SLC12A3: variants seen among roughly 807,000 people sequenced by gnomAD.
The protein encoded by SLC12A3 is solute carrier family 12 member 3.
In SLC12A3, 104 loss-of-function variants were observed where a neutral mutation model predicts 121.0. The ratio of observed to expected loss-of-function variants is 0.86; its 90% CI spans 0.73 to 1.01. The LOEUF (loss-of-function observed/expected upper bound fraction) is 1.01, where lower values mean the gene tolerates loss of function less well. Among genes scored for constraint, SLC12A3 ranks in the 50% least tolerant of loss-of-function variants. The pLI, the probability that SLC12A3 is intolerant of heterozygous loss-of-function variation, is 0.00. For synonymous variants in SLC12A3, 536 were observed against 533.4 expected, an observed-to-expected ratio of 1.00 and a Z score of -0.07; for missense variants, 1,328 against 1,356.3, an observed-to-expected ratio of 0.98 and a Z score of 0.33.
chr16:56,887,466 C>G lies in SLC12A3; in HGVS notation c.2178+373C>G, dbSNP rs948559740. Among the ~76,000 whole-genome samples, 6 of 151,886 alleles carry G rather than the reference C, an allele frequency of 4.0e-5. 1 individual carries two copies. Among genetic ancestry groups the G allele is most frequent in the Non-Finnish European group, 7.4e-5 (5 of 67,980 alleles). On this transcript the variant is annotated intron_variant, in intron 17 of 25. Coordinates refer to ENST00000563236, the MANE Select transcript of SLC12A3 (RefSeq NM_001126108.2). The stretch of plus-strand genomic sequence containing the variant: ...AGGTGATCCACCTATCTCAGCCCCC[C>G]AGAGTGCTCGGTTTACAGGCATGAG...
chr16:56,879,411 C>T, intron 10 of SLC12A3, 131 bp from the exon 11 acceptor site: 1 of 1,057,610 alleles, frequency 9.5e-7, no homozygotes, highest in Non-Finnish European at 1.4e-6. Context: ...CTGGGATCTC[C>T]AGGGGTGGGT....
Position 56,868,382 on chromosome 16 carries a change from C to T in SLC12A3, c.505+10C>T, listed in dbSNP as rs1430942887. 11 of 1,609,304 alleles carry T rather than the reference C, an allele frequency of 6.8e-6. No individual in the cohort carries two copies. Among genetic ancestry groups the T allele is most frequent in the Non-Finnish European group, 9.3e-6 (11 of 1,177,656 alleles). ...GCCCAGGCAGGCATCGGTGAGTGCC[C>T]CTCTGGGGAAGAGGAGGGAGGGCTT... On this transcript the variant is annotated intron_variant, in intron 3 of 25. Transcript: ENST00000563236.
chr16:56,905,037 GC>G (rs2055587939), intron 25 of SLC12A3, among the ~76,000 whole-genome samples: 1 of 152,100 alleles, frequency 6.6e-6, no homozygotes, highest in South Asian at 2.1e-4. Context: ...TCTCTCTGAG[GC>G]CTGTAAGAAG....
chr16:56,889,540 G>A (rs756799332), intron 18 of SLC12A3, among the ~76,000 whole-genome samples: 6 of 152,090 alleles, frequency 3.9e-5, no homozygotes, highest in Admixed American at 6.6e-5. Context: ...GCAATGGTGC[G>A]ATCTTGGCTC....
rs758669928 is a variant in SLC12A3, at chr16:56,865,252, C to T, written c.17C>T (p.Thr6Ile). Residue 6 changes from threonine to isoleucine, a missense_variant, in exon 1 of 26, where the codon ACA (threonine) becomes ATA (isoleucine). By Grantham distance (89) the Thr-to-Ile change is moderately conservative (BLOSUM62 -1). Transcript: ENST00000563236. ...CAGGCGACAATGGCAGAACTGCCCA[C>T]AACAGAGACGCCTGGGGACGCCACT... MAELP[T>I]TETPGDATLC... 1.2e-6 allele frequency: 2 copies of T among 1,613,632 alleles called. No homozygotes were observed. Among genetic ancestry groups the T allele is most frequent in the African/African-American group, 1.3e-5 (1 of 74,936 alleles).
intron 25 of SLC12A3, among the ~76,000 whole-genome samples, chr16:56,908,905 T>G (rs1412460454): frequency 1.3e-5 from 2 of 152,230 alleles, no homozygotes; most frequent in African/African-American, 2.4e-5. Flanking sequence ...CTGGTGGGTG[T>G]GCATGGGTGT....
intron 19 of SLC12A3, among the ~76,000 whole-genome samples, chr16:56,891,371 CAAAAAAAAAA>C (rs35706137): frequency 1.4e-5 from 1 of 73,888 alleles, no homozygotes; most frequent in Non-Finnish European, 2.5e-5. Context: ...GACCCTGTCT[CAAAAAAAAAA>C]AAAAAAAAAA....
At chr16:56,897,352 C>T (rs1203853540) in intron 22 of SLC12A3, among the ~76,000 whole-genome samples, 2 of 152,130 alleles carry the variant, frequency 1.3e-5, no homozygotes, top group Admixed American at 1.3e-4. Context: ...GTCTCTAGTG[C>T]CCTTTGCAAC....
At chr16:56,893,969 TATTTTA>T (rs1348309019) in intron 21 of SLC12A3, among the ~76,000 whole-genome samples, 18 of 95,926 alleles carry the variant, frequency 1.9e-4, no homozygotes, top group South Asian at 1.1e-3. Flanking sequence ...TTTTTATTTT[TATTTTA>T]TTTATTTATT....
chr16:56,880,016 C>T, intron 11 of SLC12A3, 114 bp from the exon 12 acceptor site: 5 of 1,325,458 alleles, frequency 3.8e-6, no homozygotes, highest in Non-Finnish European at 5.3e-6. Flanking sequence ...ACACCAGGAC[C>T]CAGGTTGGGG....
intron 16 of SLC12A3, 82 bp from the exon 17 acceptor site, chr16:56,886,871 G>A (rs1306671599): frequency 1.9e-6 from 3 of 1,586,274 alleles, no homozygotes; most frequent in Non-Finnish European, 2.6e-6. Flanking sequence ...CCCTGGGGCA[G>A]CCTCCAGGGC....
chr16:56,889,664 G>C (rs1456448013), intron 18 of SLC12A3, among the ~76,000 whole-genome samples: 1 of 152,166 alleles, frequency 6.6e-6, no homozygotes, highest in Non-Finnish European at 1.5e-5. Flanking sequence ...TAGTAGAAAT[G>C]GGGTTTTGCC....
chr16:56,872,407 G>A lies in SLC12A3; in HGVS notation c.909G>A (p.Gly303=). Residue 303 remains glycine (G), a synonymous_variant, in exon 7 of 26, where the codon GGG becomes GGA. Coordinates refer to ENST00000563236, the MANE Select transcript of SLC12A3 (RefSeq NM_001126108.2). ...IMVSFANYLV[G]TLIPPSEDKA... ...TCTCCTTTGCCAACTATTTAGTGGGGACGCTGATCCCCCCATCTGAGGACA... is the reference window on the plus strand; with the variant it reads ...TCTCCTTTGCCAACTATTTAGTGGGAACGCTGATCCCCCCATCTGAGGACA... 6.2e-7 allele frequency: 1 copy of A among 1,614,124 alleles called. No individual in the cohort carries two copies. Among genetic ancestry groups the A allele is most frequent in the African/African-American group, 1.3e-5 (1 of 75,052 alleles).
Position 56,872,473 on chromosome 16 carries a change from A to T in SLC12A3, c.964+11A>T. 1 of 1,609,068 alleles carries T rather than the reference A, an allele frequency of 6.2e-7. No individual in the cohort carries two copies. Among genetic ancestry groups the T allele is most frequent in the South Asian group, 1.1e-5 (1 of 90,944 alleles). On this transcript the variant is annotated intron_variant, in intron 7 of 25. Coordinates refer to ENST00000563236, the MANE Select transcript of SLC12A3 (RefSeq NM_001126108.2). ...TCTTCAGCTACCGGGGTATGTGCTG[A>T]TCAAGGCCCTGACCATGGCTCTGGG...
intron 8 of SLC12A3, among the ~76,000 whole-genome samples, chr16:56,877,528 A>G (rs761033124): frequency 6.6e-6 from 1 of 152,248 alleles, no homozygotes; most frequent in Non-Finnish European, 1.5e-5. Flanking sequence ...AGACAAATCA[A>G]TTGGTGCATA....
intron 21 of SLC12A3, among the ~76,000 whole-genome samples, chr16:56,893,834 G>C (rs1054522020): frequency 1.3e-5 from 2 of 152,042 alleles, no homozygotes; most frequent in African/African-American, 2.4e-5. Context: ...CTGAAGTGCA[G>C]TGGCATGATG....
At chr16:56,885,175 G>A in intron 14 of SLC12A3, 90 bp from the exon 15 acceptor site, 1 of 873,578 alleles carries the variant, frequency 1.1e-6, no homozygotes, top group South Asian at 1.4e-5. Flanking sequence ...CCTAGAGAAG[G>A]CCGACATTAC....
intron 18 of SLC12A3, among the ~76,000 whole-genome samples, chr16:56,888,720 G>A (rs1010254711): frequency 7.9e-5 from 12 of 151,184 alleles, no homozygotes; most frequent in African/African-American, 9.7e-5. Flanking sequence ...CACCACGCCC[G>A]GCTAATTTTT....
intron 22 of SLC12A3, among the ~76,000 whole-genome samples, chr16:56,897,065 C>G (rs1427990286): frequency 6.6e-6 from 1 of 150,506 alleles, no homozygotes; most frequent in Non-Finnish European, 1.5e-5. Flanking sequence ...GTACTCCAGC[C>G]TGGGCAACTG....
Sources: gnomAD v4.1 joint callset for allele counts (sites outside exome capture counted in the v4.1 genomes callset) on GRCh38, gnomAD v4.1.1 for gene constraint, MANE v1.5 for transcripts, NCBI Gene and HGNC (gene_info 2026-07-23, HGNC 2026-07-21) for gene names.